Variants in SLC25A21 observed in about 807,000 individuals in gnomAD.
SLC25A21 encodes the protein mitochondrial 2-oxodicarboxylate carrier.
A neutral mutation model predicts 43.8 loss-of-function variants in SLC25A21; 47 were observed. That is an observed-to-expected ratio of 1.07 (90% CI 0.85 to 1.37). SLC25A21 has a LOEUF of 1.37. SLC25A21 is among the 40% of genes most tolerant of loss of function. The pLI is 0.00. For missense variants in SLC25A21, 352 were observed against 350.2 expected (o/e 1.00, Z -0.04); for synonymous variants, 131 against 121.3 (o/e 1.08, Z -0.52).
At chr14:36,981,198 GAGA>G (rs1960012716) in intron 1 of SLC25A21, among the ~76,000 whole-genome samples, 3 of 152,180 alleles carry the variant, frequency 2.0e-5, no homozygotes, top group South Asian at 4.1e-4. Flanking sequence ...ACAGGTGCTG[GAGA>G]AGATGTGGAG....
At chr14:36,720,178 G>T (rs367871465) in intron 6 of SLC25A21, among the ~76,000 whole-genome samples, 171 of 152,264 alleles carry the variant, frequency 1.1e-3, no homozygotes, top group African/African-American at 4.0e-3. Context: ...TTCCATCGCT[G>T]TCTCTCCCCT....
intron 3 of SLC25A21, among the ~76,000 whole-genome samples, chr14:36,748,238 C>T (rs1885573328): frequency 2.0e-5 from 3 of 152,304 alleles, no homozygotes; most frequent in Middle Eastern, 3.4e-3. Flanking sequence ...ACGCTTCTTC[C>T]CTGACTATGC....
intron 3 of SLC25A21, among the ~76,000 whole-genome samples, chr14:36,810,153 T>A (rs150194159): frequency 6.6e-6 from 1 of 152,340 alleles, no homozygotes; most frequent in East Asian, 1.9e-4. Flanking sequence ...GCTAACAGCA[T>A]GTCCAGATCT....
At chr14:36,690,197 G>C (rs1418215390) in intron 7 of SLC25A21, among the ~76,000 whole-genome samples, 1 of 152,050 alleles carries the variant, frequency 6.6e-6, no homozygotes, top group East Asian at 1.9e-4. Context: ...GAAATTAATA[G>C]CAAAAGTAAA....
intron 3 of SLC25A21, among the ~76,000 whole-genome samples, chr14:36,749,003 A>T (rs879848751): frequency 1.3e-5 from 2 of 152,218 alleles, no homozygotes; most frequent in Non-Finnish European, 2.9e-5. Context: ...GTGTAAACAG[A>T]CTGCAGCCTA....
At chr14:36,950,095 A>C (rs1892771070) in intron 1 of SLC25A21, among the ~76,000 whole-genome samples, 1 of 152,192 alleles carries the variant, frequency 6.6e-6, no homozygotes, top group African/African-American at 2.4e-5. Flanking sequence ...GCATCTTAGG[A>C]GACTAGTATT....
intron 7 of SLC25A21, among the ~76,000 whole-genome samples, chr14:36,690,345 A>G (rs1882744306): frequency 6.6e-6 from 1 of 152,220 alleles, no homozygotes; most frequent in Non-Finnish European, 1.5e-5. Flanking sequence ...TATATATGAT[A>G]TAACAAACCC....
chr14:36,832,392 T>C (rs998743650), intron 2 of SLC25A21, among the ~76,000 whole-genome samples: 3 of 152,174 alleles, frequency 2.0e-5, no homozygotes, highest in Non-Finnish European at 4.4e-5. Flanking sequence ...TTGGGTCGTA[T>C]GGATCATGGC....
intron 1 of SLC25A21, among the ~76,000 whole-genome samples, chr14:37,040,253 AGGGAGGGAGGGAGGG>A (rs1961422118): frequency 6.9e-5 from 1 of 14,500 alleles, no homozygotes; most frequent in Non-Finnish European, 1.3e-4. Context: ...GGAGGAAGGG[AGGGAGGGAGGGAGGG>A]AGGAAGGAAG....
At chr14:36,746,595 A>AT (rs1254897292) in intron 3 of SLC25A21, among the ~76,000 whole-genome samples, 11 of 152,262 alleles carry the variant, frequency 7.2e-5, no homozygotes, top group South Asian at 4.1e-4. Context: ...CCCTAAATCT[A>AT]TTTTTTATTA....
At chr14:37,021,295 C>A (rs1353031303) in intron 1 of SLC25A21, among the ~76,000 whole-genome samples, 2 of 151,852 alleles carry the variant, frequency 1.3e-5, no homozygotes, top group Non-Finnish European at 2.9e-5. Flanking sequence ...TATCAAGAGA[C>A]CACTGCCAAA....
chr14:37,160,188 C>T (rs1963914708), intron 1 of SLC25A21, among the ~76,000 whole-genome samples: 1 of 152,074 alleles, frequency 6.6e-6, no homozygotes, highest in South Asian at 2.1e-4. Flanking sequence ...ATAGAATTAC[C>T]ACTCGATCCA....
At chr14:36,806,576 C>T (rs1190738798) in intron 3 of SLC25A21, among the ~76,000 whole-genome samples, 2 of 152,044 alleles carry the variant, frequency 1.3e-5, no homozygotes, top group African/African-American at 4.8e-5. Flanking sequence ...AAAAGAAACA[C>T]AGATTATTTA....
intron 2 of SLC25A21, among the ~76,000 whole-genome samples, chr14:36,814,720 G>A (rs529097565): frequency 6.6e-5 from 10 of 152,194 alleles, no homozygotes; most frequent in Non-Finnish European, 1.5e-4. Flanking sequence ...CACTGTTGGT[G>A]GGAGTGTAAA....
At chr14:36,999,368 A>C (rs1389531765) in intron 1 of SLC25A21, among the ~76,000 whole-genome samples, 1 of 152,166 alleles carries the variant, frequency 6.6e-6, no homozygotes, top group Non-Finnish European at 1.5e-5. Context: ...GGTTGCCAGA[A>C]ACTGGAGGTT....
intron 2 of SLC25A21, among the ~76,000 whole-genome samples, chr14:36,863,594 T>C (rs1028518252): frequency 1.4e-4 from 22 of 152,306 alleles, no homozygotes; most frequent in Admixed American, 3.9e-4. Context: ...AATAGAACTT[T>C]GTTATTTTAT....
At chr14:36,714,979 T>G (rs1056790852) in intron 6 of SLC25A21, among the ~76,000 whole-genome samples, 2 of 152,114 alleles carry the variant, frequency 1.3e-5, no homozygotes, top group African/African-American at 4.8e-5. Flanking sequence ...ATTTTTCAGG[T>G]GAGGAAACCA....
intron 1 of SLC25A21, among the ~76,000 whole-genome samples, chr14:37,052,898 A>G (rs766269482): frequency 1.3e-5 from 2 of 152,180 alleles, no homozygotes; most frequent in Admixed American, 6.5e-5. Flanking sequence ...TCGGCCTCCA[A>G]AAGTGTTAAG....
intron 1 of SLC25A21, among the ~76,000 whole-genome samples, chr14:37,114,785 T>C (rs926110587): frequency 1.4e-5 from 2 of 144,208 alleles, no homozygotes; most frequent in East Asian, 4.4e-4. Flanking sequence ...GTCATTTTTA[T>C]GGCGGGGGGG....
Sources: allele counts gnomAD v4.1 joint callset (sites outside exome capture counted in the v4.1 genomes callset), GRCh38; gene constraint gnomAD v4.1.1; transcripts MANE v1.5; gene names NCBI Gene and HGNC (gene_info 2026-07-23, HGNC 2026-07-21).